The following LRTM2 variants were observed in gnomAD, a reference collection of about 807,000 sequenced individuals.
The protein encoded by LRTM2 is leucine rich repeat transmembrane protein 2.
A neutral mutation model predicts 28.1 loss-of-function variants in LRTM2; 18 were observed. The ratio of observed to expected loss-of-function variants is 0.64; its 90% CI spans 0.44 to 0.95. The LOEUF is 0.95. LRTM2 is among the 40% of genes least tolerant of loss of function. The pLI is 0.00. For synonymous variants in LRTM2, 250 were observed against 218.7 expected (o/e 1.14, Z -1.26); for missense variants, 436 against 497.2 (o/e 0.88, Z 1.17).
intron 1 of LRTM2, among the ~76,000 whole-genome samples, chr12:1,824,212 A>T (rs1173965308): frequency 6.6e-6 from 1 of 152,190 alleles, no homozygotes; most frequent in Non-Finnish European, 1.5e-5. Context: ...CCCTGCTGAG[A>T]GGTGCCCGGC....
intron 3 of LRTM2, among the ~76,000 whole-genome samples, chr12:1,830,400 T>C (rs573178185): frequency 1.3e-5 from 2 of 152,304 alleles, no homozygotes; most frequent in African/African-American, 4.8e-5. Flanking sequence ...CGCCTTTCCA[T>C]ACACAGCTCC....
chr12:1,824,189 C>T (rs757593435), intron 1 of LRTM2, among the ~76,000 whole-genome samples: 2 of 152,166 alleles, frequency 1.3e-5, no homozygotes, highest in African/African-American at 2.4e-5. Context: ...ATGGTCTCCT[C>T]GGTGGCCGTT....
rs180862744 is a variant in LRTM2, at chr12:1,836,181, A to C, written c.*1460A>C. On this transcript the variant is annotated 3_prime_UTR_variant, in exon 5 of 5. Coordinates refer to ENST00000299194, the MANE Select transcript of LRTM2 (RefSeq NM_001039029.3). ...TGGGGAGCCTGTCTGGGACAGAGCC[A>C]CCTGCTGCCAAGGCAGTGCAAGTTT... The C allele has an allele frequency of 7.6e-3, 1,161 of 152,612 alleles. 7 individuals carry two copies. The highest frequency in any genetic ancestry group is 0.014 in the Middle Eastern group (4 of 294). The allele number at this position is 152,612 out of a possible 1,614,324, so 9.5% of individuals were successfully genotyped here. A position where few individuals can be genotyped will look rare whatever the true frequency, so the allele number is the denominator to read the frequency against.
At chr12:1,826,670 AG>A (rs1864343069) in intron 1 of LRTM2, among the ~76,000 whole-genome samples, 1 of 151,540 alleles carries the variant, frequency 6.6e-6, no homozygotes, top group African/African-American at 2.4e-5. Context: ...GACAGCCGAG[AG>A]GGCGGCACTC....
In LRTM2 at chr12:1,828,958, G is replaced by A. The variant is rs767683011; in HGVS notation, c.67+743G>A. On this transcript the variant is annotated intron_variant, in intron 3 of 4. Coordinates refer to ENST00000299194, the MANE Select transcript of LRTM2 (RefSeq NM_001039029.3). The surrounding 1 kb of genome is among the most constrained non-coding windows in gnomAD (Gnocchi z 4.2). Reference sequence around the variant, plus strand: ...GGCTACACGGTGGCAGGGAGGAAACGGTCCCGCGGGACGGCATTCCGCCTG... The same window carrying A: ...GGCTACACGGTGGCAGGGAGGAAACAGTCCCGCGGGACGGCATTCCGCCTG... 2.7e-4 allele frequency among the ~76,000 whole-genome samples: 41 copies of A among 152,202 alleles called. No individual in the cohort carries two copies. Among genetic ancestry groups the A allele is most frequent in the Non-Finnish European group, 4.7e-4 (32 of 68,036 alleles).
At position 1,834,405 on chromosome 12, in the gene LRTM2, G is replaced by A; in HGVS notation, c.797G>A (p.Gly266Glu). The A allele has an allele frequency of 1.2e-6, 2 of 1,613,024 alleles. No individual in the cohort carries two copies. The highest frequency in any genetic ancestry group is 1.7e-6 in the Non-Finnish European group (2 of 1,180,010). The change falls in exon 5 of 5, where the codon GGG (glycine) becomes GAG (glutamate). Residue 266 changes from glycine (G) to glutamate (E), a missense_variant. Physicochemically the swap from Gly to Glu is moderately conservative, Grantham distance 98. Coordinates refer to ENST00000299194, the MANE Select transcript of LRTM2 (RefSeq NM_001039029.3). This position sits in a 1 kb window ranked among gnomAD's most constrained non-coding sequence, Gnocchi z 7.6. The part of the protein sequence containing the change: ...ENSSAGLDIP[G>E]PPCTKASPEP... Reference sequence around the variant, plus strand: ...AGCTCAGCTGGGCTGGATATTCCTGGGCCACCCTGCACCAAGGCCAGTCCA... The same window carrying A: ...AGCTCAGCTGGGCTGGATATTCCTGAGCCACCCTGCACCAAGGCCAGTCCA...
chr12:1,826,966 T>C (rs188264251), intron 1 of LRTM2, among the ~76,000 whole-genome samples: 5 of 152,296 alleles, frequency 3.3e-5, no homozygotes, highest in Admixed American at 2.0e-4. Context: ...CAGAATTCCA[T>C]AGGCCCATGG....
intron 1 of LRTM2, among the ~76,000 whole-genome samples, chr12:1,826,312 G>T (rs1402196380): frequency 1.3e-5 from 2 of 151,956 alleles, no homozygotes; most frequent in Non-Finnish European, 2.9e-5. Flanking sequence ...AGCAGGTATT[G>T]CGGTCACCAT....
At chr12:1,826,408 C>T (rs898779687) in intron 1 of LRTM2, among the ~76,000 whole-genome samples, 1 of 60,040 alleles carries the variant, frequency 1.7e-5, no homozygotes, top group South Asian at 7.2e-4. Flanking sequence ...GAGCCCCCCC[C>T]CCCCCCCCGC....
rs771449767 is a variant in LRTM2, at chr12:1,834,421, G to A, written c.813G>A (p.Lys271=). 1.9e-6 allele frequency: 3 copies of A among 1,612,860 alleles called. No individual in the cohort carries two copies. In the South Asian group the frequency reaches 3.3e-5, roughly 18 times the overall value. The change falls in exon 5 of 5, where the codon AAG becomes AAA. Residue 271 remains lysine (K), a synonymous_variant. Coordinates refer to ENST00000299194, the MANE Select transcript of LRTM2 (RefSeq NM_001039029.3). The surrounding 1 kb of genome is among the most constrained non-coding windows in gnomAD (Gnocchi z 7.6). The part of the protein sequence containing the change: ...GLDIPGPPCT[K]ASPEPAKPKP... Reference sequence around the variant, plus strand: ...ATATTCCTGGGCCACCCTGCACCAAGGCCAGTCCAGAGCCTGCTAAGCCCA... The same window carrying A: ...ATATTCCTGGGCCACCCTGCACCAAAGCCAGTCCAGAGCCTGCTAAGCCCA...
At chr12:1,826,381 C>A (rs1417918069) in intron 1 of LRTM2, among the ~76,000 whole-genome samples, 1 of 149,584 alleles carries the variant, frequency 6.7e-6, no homozygotes, top group Non-Finnish European at 1.5e-5. Flanking sequence ...AAAGAACGGA[C>A]CAGAGATTTG....
Position 1,834,232 on chromosome 12 carries a change from C to G in LRTM2, c.659-35C>G, listed in dbSNP as rs371260705. 1 of 1,521,164 alleles carries G rather than the reference C, an allele frequency of 6.6e-7. No individual in the cohort carries two copies. Among genetic ancestry groups the G allele is most frequent in the East Asian group, 2.3e-5 (1 of 43,902 alleles). The allele number at this position is 1,521,164 out of a possible 1,614,324, so 94.2% of individuals were successfully genotyped here. Reference sequence around the variant, plus strand: ...GGAGAGGGAGTGCAAGTTCTAGATGCCTGGTCAGCCCCTCTTTTTCTCTTC... The same window carrying G: ...GGAGAGGGAGTGCAAGTTCTAGATGGCTGGTCAGCCCCTCTTTTTCTCTTC... On this transcript the variant is annotated intron_variant, in intron 4 of 4. Transcript: ENST00000299194. The surrounding 1 kb of genome is among the most constrained non-coding windows in gnomAD (Gnocchi z 7.6).
chr12:1,824,631 C>T (rs544031750), intron 1 of LRTM2, among the ~76,000 whole-genome samples: 1 of 152,224 alleles, frequency 6.6e-6, no homozygotes, highest in Non-Finnish European at 1.5e-5. Flanking sequence ...ATGCTGCACC[C>T]TGGGTAGGGA....
chr12:1,828,051 T>C lies in LRTM2; in HGVS notation c.-73-25T>C, dbSNP rs1030876278. On this transcript the variant is annotated intron_variant, in intron 2 of 4. Transcript: ENST00000299194. The surrounding 1 kb of genome is among the most constrained non-coding windows in gnomAD (Gnocchi z 4.2). Reference sequence around the variant, plus strand: ...GGAACGGGGCTCCCGCGCCTGCCTGTGCTCAGTGCTCCTCCCTCCCTCAGG... The same window carrying C: ...GGAACGGGGCTCCCGCGCCTGCCTGCGCTCAGTGCTCCTCCCTCCCTCAGG... 5.0e-6 allele frequency: 6 copies of C among 1,201,586 alleles called. No homozygotes were observed. Among genetic ancestry groups the C allele is most frequent in the African/African-American group, 1.6e-5 (1 of 63,810 alleles). The allele number at this position is 1,201,586 out of a possible 1,614,324, so 74.4% of individuals were successfully genotyped here.
In LRTM2 at chr12:1,829,993, AG is replaced by A. The variant is rs1864547359; in HGVS notation, c.68-939del. Among the ~76,000 whole-genome samples the A allele has an allele frequency of 6.6e-6, 1 of 152,192 alleles. No individual in the cohort carries two copies. The highest frequency in any genetic ancestry group is 1.5e-5 in the Non-Finnish European group (1 of 68,022). The stretch of plus-strand genomic sequence containing the variant: ...ACTGCTCTGATGTGATTGTTCCCTG[AG>A]GGTTACTTCTCCCAGCCCTACAGAC... On this transcript the variant is annotated intron_variant, in intron 3 of 4. Transcript: ENST00000299194. This position sits in a 1 kb window ranked among gnomAD's most constrained non-coding sequence, Gnocchi z 4.2.
Position 1,828,557 on chromosome 12 carries a change from C to T in LRTM2, c.67+342C>T, listed in dbSNP as rs1864466558. On this transcript the variant is annotated intron_variant, in intron 3 of 4. Transcript: ENST00000299194. The surrounding 1 kb of genome is among the most constrained non-coding windows in gnomAD (Gnocchi z 4.2). ...TGCAGGCCTGCTGAGTCTTAAACAG[C>T]CTCACTGGTGCCTGAGCTTGTCGGC... is the stretch of plus-strand genomic sequence containing the variant. Among the ~76,000 whole-genome samples, 1 of 152,370 alleles carries T rather than the reference C, an allele frequency of 6.6e-6. No homozygotes were observed. The highest frequency in any genetic ancestry group is 2.1e-4 in the South Asian group (1 of 4,834).
rs954335561 is a variant in LRTM2, at chr12:1,829,398, G to A, written c.67+1183G>A. 6.6e-6 allele frequency among the ~76,000 whole-genome samples: 1 copy of A among 152,130 alleles called. No homozygotes were observed. Among genetic ancestry groups the A allele is most frequent in the Admixed American group, 6.5e-5 (1 of 15,280 alleles). ...GTAGCAGACGGGCTCAGAGGGGTGA[G>A]AGGGTGAGCGGAGACATGAGGTAAC... On this transcript the variant is annotated intron_variant, in intron 3 of 4. Transcript: ENST00000299194. The surrounding 1 kb of genome is among the most constrained non-coding windows in gnomAD (Gnocchi z 4.2).
rs1203258834 is a variant in LRTM2, at chr12:1,833,611, T to TG, written c.659-652dup. ...TACAGGGCTGTGGTTGGGGCACCGA[T>TG]GGGGCCATTGGATTGCTCCTAAGGA... On this transcript the variant is annotated intron_variant, in intron 4 of 4. Coordinates refer to ENST00000299194, the MANE Select transcript of LRTM2 (RefSeq NM_001039029.3). The surrounding 1 kb of genome is among the most constrained non-coding windows in gnomAD (Gnocchi z 4.2). 6.6e-6 allele frequency among the ~76,000 whole-genome samples: 1 copy of TG among 152,166 alleles called. No homozygotes were observed. The highest frequency in any genetic ancestry group is 2.4e-5 in the African/African-American group (1 of 41,424).
chr12:1,824,774 T>C (rs1231545756), intron 1 of LRTM2, among the ~76,000 whole-genome samples: 1 of 152,174 alleles, frequency 6.6e-6, no homozygotes, highest in African/African-American at 2.4e-5. Context: ...GGAAGGGTCC[T>C]TTGGATGGAG....
Sources: gnomAD v4.1 joint callset for allele counts (sites outside exome capture counted in the v4.1 genomes callset) on GRCh38, gnomAD v4.1.1 for gene constraint, Gnocchi (gnomAD v3.1) non-coding constraint, MANE v1.5 for transcripts, NCBI Gene and HGNC (gene_info 2026-07-23, HGNC 2026-07-21) for gene names.